Variants in MEGF8 observed in about 807,000 individuals in gnomAD.
MEGF8 encodes multiple epidermal growth factor-like domains protein 8.
A neutral mutation model predicts 302.9 loss-of-function variants in MEGF8; 156 were observed. That is an observed-to-expected ratio of 0.52 (90% confidence interval 0.45 to 0.59). The LOEUF (loss-of-function observed/expected upper bound fraction) is 0.59. Among genes scored for constraint, MEGF8 ranks in the 20% least tolerant of loss-of-function variants. The pLI is 0.00. For synonymous variants in MEGF8, 1,621 were observed against 1,660.5 expected (o/e 0.98, Z 0.58); for missense variants, 3,345 against 3,964.5 (o/e 0.84, Z 4.20).
rs191224474 is a variant in MEGF8, at chr19:42,356,534, C to A, written c.4622+81C>A. On this transcript the variant is annotated intron_variant, in intron 26 of 41. Transcript: ENST00000251268. This position sits in a 1 kb window ranked among gnomAD's most constrained non-coding sequence, Gnocchi z 5.2. Reference sequence around the variant, plus strand: ...TGCTAAGAGTCACCTCAGAGGAGTGCAGAAAAGCCTCTAAGGTAAAGGACA... The same window carrying A: ...TGCTAAGAGTCACCTCAGAGGAGTGAAGAAAAGCCTCTAAGGTAAAGGACA... The A allele has an allele frequency of 3.0e-4, 350 of 1,176,430 alleles. No individual in the cohort carries two copies. The African/African-American group carries it at 4.6e-3, about 16-fold the overall frequency. The allele number at this position is 1,176,430 out of a possible 1,614,324, so 72.9% of individuals were successfully genotyped here.
At chr19:42,350,465 G>A (rs2039352388) in intron 15 of MEGF8, 81 bp downstream of exon 15, 1 of 1,274,764 alleles carries the variant, frequency 7.8e-7, no homozygotes, top group Non-Finnish European at 1.0e-6. Context: ...ACCCCTGGTG[G>A]GGGGTGTGGG....
At chr19:42,335,633 G>A (rs1360639799) in intron 5 of MEGF8, among the ~76,000 whole-genome samples, 1 of 151,908 alleles carries the variant, frequency 6.6e-6, no homozygotes. Context: ...GTTTTCGTCT[G>A]TCTGACTTTT....
In MEGF8 at chr19:42,375,846, C is replaced by T; in HGVS notation, c.7609C>T (p.Pro2537Ser). 1 of 1,609,624 alleles carries T rather than the reference C, an allele frequency of 6.2e-7. No individual in the cohort carries two copies. Among genetic ancestry groups the T allele is most frequent in the African/African-American group, 1.3e-5 (1 of 75,008 alleles). ...QPPPAPPPPP[P>S]PADGGPRGAG... is the part of the protein sequence containing the mutation. ...ACCCCCAGCCCCACCACCTCCACCA[C>T]CCCCTGCAGATGGTGGGCCCCGGGG... The change falls in exon 42 of 42, where the codon CCC becomes TCC. Residue 2537 changes from proline to serine, a missense_variant. By Grantham distance (74) the Pro-to-Ser change is moderately conservative. Coordinates refer to ENST00000251268, the MANE Select transcript of MEGF8 (RefSeq NM_001271938.2). This position sits in a 1 kb window ranked among gnomAD's most constrained non-coding sequence, Gnocchi z 7.1.
At chr19:42,362,314 G>A (rs1057090680) in intron 33 of MEGF8, 70 bp from the exon 34 acceptor site, 5 of 1,610,332 alleles carry the variant, frequency 3.1e-6, no homozygotes, top group African/African-American at 2.7e-5. Flanking sequence ...AGGGTCTCAG[G>A]AACCACCGAG....
intron 1 of MEGF8, 85 bp downstream of exon 1, chr19:42,326,515 T>C: frequency 6.9e-7 from 1 of 1,451,560 alleles, no homozygotes. Context: ...TTCCCAGAGC[T>C]CGGTTCTGGT....
In MEGF8 at chr19:42,363,176, C is replaced by T; in HGVS notation, c.6187C>T (p.Leu2063Phe). 6.2e-7 allele frequency: 1 copy of T among 1,612,350 alleles called. No individual in the cohort carries two copies. Among genetic ancestry groups the T allele is most frequent in the Non-Finnish European group, 8.5e-7 (1 of 1,179,262 alleles). ...PPLPCPTPCH[L>F]LPNCTSCLDS... is the part of the protein sequence containing the mutation. Reference sequence around the variant, plus strand: ...ACTGCCCTGCCCCACCCCTTGTCACCTCCTACCCAACTGTACCTCCTGCCT... The same window carrying T: ...ACTGCCCTGCCCCACCCCTTGTCACTTCCTACCCAACTGTACCTCCTGCCT... Residue 2063 changes from leucine to phenylalanine, a missense_variant, in exon 35 of 42, where the codon CTC becomes TTC. By Grantham distance (22) the Leu-to-Phe change is conservative. Coordinates refer to ENST00000251268, the MANE Select transcript of MEGF8 (RefSeq NM_001271938.2).
In MEGF8 at chr19:42,352,165, G is replaced by A; in HGVS notation, c.3102-43G>A. 6.8e-7 allele frequency: 1 copy of A among 1,472,030 alleles called. No homozygotes were observed. The highest frequency in any genetic ancestry group is 9.0e-7 in the Non-Finnish European group (1 of 1,107,994). 91.2% of individuals were successfully genotyped at this position (1,472,030 alleles called of 1,614,324 possible). ...GTCATTGTTTCTATGTATGGCTCCT[G>A]TTTCTATGTTGTCCCCCGCTTCTTC... is the stretch of plus-strand genomic sequence containing the variant. On this transcript the variant is annotated intron_variant, in intron 18 of 41. Coordinates refer to ENST00000251268, the MANE Select transcript of MEGF8 (RefSeq NM_001271938.2). This position sits in a 1 kb window ranked among gnomAD's most constrained non-coding sequence, Gnocchi z 4.4.
Position 42,362,579 on chromosome 19 carries a change from C to G in MEGF8, c.6040C>G (p.Arg2014Gly). 1 of 1,612,576 alleles carries G rather than the reference C, an allele frequency of 6.2e-7. No homozygotes were observed. Among genetic ancestry groups the G allele is most frequent in the Non-Finnish European group, 8.5e-7 (1 of 1,179,860 alleles). Residue 2014 changes from arginine (R) to glycine (G), a missense_variant, in exon 34 of 42, where the codon CGG becomes GGG. Coordinates refer to ENST00000251268, the MANE Select transcript of MEGF8 (RefSeq NM_001271938.2). Reference sequence around the variant, plus strand: ...GCGGGAGGGCAAGTGCATGTGGACGCGGCAGTTCAAGAGGACAGGTGAGCA... The same window carrying G: ...GCGGGAGGGCAAGTGCATGTGGACGGGGCAGTTCAAGAGGACAGGTGAGCA... ...CTREGKCMWT[R>G]QFKRTGETRR...
rs2039122221 is a variant in MEGF8, at chr19:42,336,005, CT to C, written c.904del (p.Ser302ArgfsTer78). On this transcript the variant is annotated frameshift_variant, in exon 6 of 42. Transcript: ENST00000251268. LOFTEE classifies it high-confidence loss of function. This position sits in a 1 kb window ranked among gnomAD's most constrained non-coding sequence, Gnocchi z 4.8. Reference sequence around the variant, plus strand: ...TGATGGGTGGTGAGCTGGCTGACGGCTCGCTCACCAACGACGTGTGGGCCTT... The same window carrying C: ...TGATGGGTGGTGAGCTGGCTGACGGCCGCTCACCAACGACGTGTGGGCCTT... ...VLMGGELADGSLTNDVWAFSP... is the reference protein window; with the variant it reads ...VLMGGELADGXLTNDVWAFSP... The C allele has an allele frequency of 6.5e-7, 1 of 1,544,324 alleles. No homozygotes were observed. Among genetic ancestry groups the C allele is most frequent in the Non-Finnish European group, 8.7e-7 (1 of 1,147,056 alleles).
Position 42,353,894 on chromosome 19 carries a change from G to C in MEGF8, c.3881G>C (p.Arg1294Thr). Residue 1294 changes from arginine to threonine, a missense_variant, in exon 22 of 42, where the codon AGA (arginine) becomes ACA (threonine). Coordinates refer to ENST00000251268, the MANE Select transcript of MEGF8 (RefSeq NM_001271938.2). This position sits in a 1 kb window ranked among gnomAD's most constrained non-coding sequence, Gnocchi z 6.1. The stretch of plus-strand genomic sequence containing the variant: ...CTGCCTCCAGGTGGCGGGGCTGCAA[G>C]AGCCGGGCCTGGCCTGTCCTACTGT... The part of the protein sequence containing the change: ...GLLPPGGGAA[R>T]AGPGLSYCVW... The C allele has an allele frequency of 6.3e-7, 1 of 1,595,358 alleles. No individual in the cohort carries two copies. Among genetic ancestry groups the C allele is most frequent in the Non-Finnish European group, 8.5e-7 (1 of 1,171,138 alleles).
At chr19:42,372,789 C>T (rs2039710503) in intron 41 of MEGF8, among the ~76,000 whole-genome samples, 1 of 152,156 alleles carries the variant, frequency 6.6e-6, no homozygotes, top group African/African-American at 2.4e-5. Context: ...TATCCTGCCT[C>T]AGCTTCCTGA....
At chr19:42,362,983 G>T (rs1184787649) in intron 34 of MEGF8, 65 bp from the exon 35 acceptor site, 6 of 1,406,752 alleles carry the variant, frequency 4.3e-6, no homozygotes, top group Non-Finnish European at 4.9e-6. Context: ...CTGGGTCTGA[G>T]GGAGGAGGGG....
intron 1 of MEGF8, among the ~76,000 whole-genome samples, chr19:42,329,603 T>C (rs539482847): frequency 1.3e-5 from 2 of 152,302 alleles, no homozygotes; most frequent in East Asian, 3.9e-4. Flanking sequence ...GGCACATGCC[T>C]GTAATCCCAG....
intron 3 of MEGF8, 75 bp downstream of exon 3, chr19:42,334,288 C>A: frequency 7.4e-7 from 1 of 1,356,406 alleles, no homozygotes; most frequent in Non-Finnish European, 9.8e-7. Context: ...TCTCCTAGGT[C>A]TGACCTTGCT....
rs2039467981 is a variant in MEGF8, at chr19:42,357,394, C to T, written c.4831-10C>T. 2 of 1,611,072 alleles carry T rather than the reference C, an allele frequency of 1.2e-6. No individual in the cohort carries two copies. Among genetic ancestry groups the T allele is most frequent in the Non-Finnish European group, 1.7e-6 (2 of 1,178,154 alleles). ...AGCCCCATCGGTGACCTTGCCCCTC[C>T]ATCCCTCAGGCCCCCCAGACCGTGG... is the stretch of plus-strand genomic sequence containing the variant. On this transcript the variant is annotated splice_polypyrimidine_tract_variant and intron_variant, in intron 27 of 41. Coordinates refer to ENST00000251268, the MANE Select transcript of MEGF8 (RefSeq NM_001271938.2). The surrounding 1 kb of genome is among the most constrained non-coding windows in gnomAD (Gnocchi z 5.2).
chr19:42,333,995 T>G lies in MEGF8; in HGVS notation c.352-12T>G. The G allele has an allele frequency of 1.2e-6, 2 of 1,611,106 alleles. No homozygotes were observed. Among genetic ancestry groups the G allele is most frequent in the Non-Finnish European group, 1.7e-6 (2 of 1,178,616 alleles). ...CCCTGCCCACCTTACCCAGCACACCTTGTGCCCGCAGATGCTGCTGCACCT... is the reference window on the plus strand; with the variant it reads ...CCCTGCCCACCTTACCCAGCACACCGTGTGCCCGCAGATGCTGCTGCACCT... On this transcript the variant is annotated splice_polypyrimidine_tract_variant and intron_variant, in intron 2 of 41. Transcript: ENST00000251268.
In MEGF8 at chr19:42,375,868, G is replaced by C. The variant is rs754329335; in HGVS notation, c.7631G>C (p.Arg2544Pro). 6.2e-7 allele frequency: 1 copy of C among 1,605,800 alleles called. No homozygotes were observed. The highest frequency in any genetic ancestry group is 8.5e-7 in the Non-Finnish European group (1 of 1,176,316). The change falls in exon 42 of 42, where the codon CGG becomes CCG. Residue 2544 changes from arginine (R) to proline (P), a missense_variant. Coordinates refer to ENST00000251268, the MANE Select transcript of MEGF8 (RefSeq NM_001271938.2). This position sits in a 1 kb window ranked among gnomAD's most constrained non-coding sequence, Gnocchi z 7.1. ...CCACCCCCTGCAGATGGTGGGCCCC[G>C]GGGGGCTGGGGATCCAGGAGGAGCA... is the stretch of plus-strand genomic sequence containing the variant. ...PPPPPADGGPRGAGDPGGAGA... is the reference protein window; with the variant it reads ...PPPPPADGGPPGAGDPGGAGA...
Position 42,375,838 on chromosome 19 carries a change from C to T in MEGF8, c.7601C>T (p.Pro2534Leu), listed in dbSNP as rs1224426841. Residue 2534 changes from proline to leucine, a missense_variant, in exon 42 of 42, where the codon CCT (proline) becomes CTT (leucine). Physicochemically the swap from Pro to Leu is moderately conservative, Grantham distance 98. Transcript: ENST00000251268. The surrounding 1 kb of genome is among the most constrained non-coding windows in gnomAD (Gnocchi z 7.1). ...ATCCAGCCACCCCCAGCCCCACCAC[C>T]TCCACCACCCCCTGCAGATGGTGGG... ...VHIQPPPAPP[P>L]PPPPADGGPR... 1.2e-6 allele frequency: 2 copies of T among 1,610,630 alleles called. No homozygotes were observed. Among genetic ancestry groups the T allele is most frequent in the Non-Finnish European group, 1.7e-6 (2 of 1,179,066 alleles).
intron 35 of MEGF8, among the ~76,000 whole-genome samples, chr19:42,365,772 TAAAAAA>T (rs771190592): frequency 6.9e-5 from 4 of 57,654 alleles, no homozygotes; most frequent in Admixed American, 2.1e-4. Context: ...ACCCCGTCTC[TAAAAAA>T]AAAAAAAAAA....
Sources: allele counts gnomAD v4.1 joint callset (sites outside exome capture counted in the v4.1 genomes callset), GRCh38; gene constraint gnomAD v4.1.1; non-coding constraint Gnocchi (gnomAD v3.1); transcripts MANE v1.5; gene names NCBI Gene and HGNC (gene_info 2026-07-23, HGNC 2026-07-21).